The following TDRD12 variants were observed in gnomAD, a reference collection of about 807,000 sequenced individuals.
TDRD12 encodes the protein putative ATP-dependent RNA helicase TDRD12.
A neutral mutation model predicts 133.5 loss-of-function variants in TDRD12; 158 were observed. The ratio of observed to expected loss-of-function variants is 1.18; its 90% CI spans 1.04 to 1.35. The LOEUF (loss-of-function observed/expected upper bound fraction) is 1.35, where lower values mean the gene tolerates loss of function less well. Ranked by LOEUF, TDRD12 falls within the 40% of genes most tolerant of loss-of-function variation. The pLI is 0.00. For missense variants in TDRD12, 1,443 were observed against 1,321.3 expected (o/e 1.09, Z -1.43); for synonymous variants, 460 against 477.9 (o/e 0.96, Z 0.49).
chr19:32,734,701 C>T (rs1233123728), intron 2 of TDRD12, among the ~76,000 whole-genome samples: 1 of 152,060 alleles, frequency 6.6e-6, no homozygotes, highest in Non-Finnish European at 1.5e-5. Context: ...AAACAGACCT[C>T]ATTTTATTGT....
At chr19:32,756,173 G>A in exon 7 of TDRD12, 1 of 1,419,800 alleles carries the variant, frequency 7.0e-7, no homozygotes, top group Non-Finnish European at 9.2e-7. Context: ...GATGTTCAAG[G>A]AATGGAAGGT....
intron 21 of TDRD12, among the ~76,000 whole-genome samples, chr19:32,806,065 C>G (rs1418521026): frequency 6.6e-6 from 1 of 151,872 alleles, no homozygotes; most frequent in African/African-American, 2.4e-5. Flanking sequence ...CTGTTAGTGT[C>G]TTCAGAAACC....
intron 12 of TDRD12, 112 bp downstream of exon 12, chr19:32,790,703 TG>T (rs1207600561): frequency 1.3e-6 from 2 of 1,551,070 alleles, no homozygotes; most frequent in South Asian, 1.2e-5. Context: ...ACTCCTTAGA[TG>T]GGGGACTTAA....
At chr19:32,825,303 T>G (rs907526387), downstream of TDRD12, among the ~76,000 whole-genome samples, 4 of 152,198 alleles carry the variant, frequency 2.6e-5, no homozygotes, top group Non-Finnish European at 5.9e-5. This position sits in a 1 kb window ranked among gnomAD's most constrained non-coding sequence, Gnocchi z 4.1. Flanking sequence ...CTACTGTGAT[T>G]CCAGCAGCTG....
intron 14 of TDRD12, among the ~76,000 whole-genome samples, chr19:32,797,152 T>G (rs1971254119): frequency 6.6e-6 from 1 of 151,992 alleles, no homozygotes; most frequent in African/African-American, 2.4e-5. Context: ...GGCTAATTTT[T>G]GTATTTTTAG....
chr19:32,770,749 G>T (rs576942593), intron 8 of TDRD12, among the ~76,000 whole-genome samples: 1 of 152,152 alleles, frequency 6.6e-6, no homozygotes, highest in Admixed American at 6.5e-5. Context: ...AATTGTGCCC[G>T]TAGAGAAATC....
chr19:32,819,434 G>GA (rs994515908), intron 27 of TDRD12, among the ~76,000 whole-genome samples: 3 of 149,786 alleles, frequency 2.0e-5, no homozygotes, highest in Non-Finnish European at 3.0e-5. Flanking sequence ...CTACTTTCAA[G>GA]AAAAAAAAAA....
rs1967372755 is a variant in TDRD12 at position 32,821,143 on chromosome 19, G to T, written c.3494G>T (p.Gly1165Val). 2.0e-6 allele frequency: 3 copies of T among 1,533,582 alleles called. No homozygotes were observed. The highest frequency in any genetic ancestry group is 2.6e-6 in the Non-Finnish European group (3 of 1,145,238). The allele number at this position is 1,533,582 out of a possible 1,614,324, so 95.0% of individuals were successfully genotyped here. A position where few individuals can be genotyped will look rare whatever the true frequency, so the allele number is the denominator to read the frequency against. ...AGCTCAGAAAACCAGAAGCCTGGTG[G>T]GTACTTGGTATTCAAAAGATGGTTA... Residue 1165 changes from glycine to valine, a missense_variant, in exon 28 of 28, where the codon GGG becomes GTG. Coordinates refer to ENST00000444215, the Ensembl canonical transcript of TDRD12.
chr19:32,726,175 G>A (rs1038982320), intron 1 of TDRD12, among the ~76,000 whole-genome samples: 3 of 151,854 alleles, frequency 2.0e-5, no homozygotes, highest in Non-Finnish European at 4.4e-5. Flanking sequence ...CTGCCTCCTG[G>A]GTTCACGCCA....
chr19:32,802,808 C>G lies in TDRD12; in HGVS notation c.2331+19C>G, dbSNP rs1267313014. The G allele has an allele frequency of 6.5e-7, 1 of 1,536,350 alleles. No homozygotes were observed. Among genetic ancestry groups the G allele is most frequent in the Admixed American group, 2.0e-5 (1 of 50,980 alleles). On this transcript the variant is annotated intron_variant, in intron 20 of 27. Coordinates refer to ENST00000444215, the Ensembl canonical transcript of TDRD12. The stretch of plus-strand genomic sequence containing the variant: ...TGAACAGGTTTGGTGAATTTTTATT[C>G]TCTTCCATATTCCACTGGCATCTTC...
chr19:32,748,450 G>A (rs1224826867), intron 4 of TDRD12, 26 bp from the exon 5 acceptor site: 2 of 1,547,528 alleles, frequency 1.3e-6, no homozygotes, highest in Admixed American at 2.0e-5. Flanking sequence ...TTTATGTAAT[G>A]GAGTTGCATC....
chr19:32,736,852 G>A (rs937053403), intron 2 of TDRD12, among the ~76,000 whole-genome samples: 1 of 152,112 alleles, frequency 6.6e-6, no homozygotes, highest in Non-Finnish European at 1.5e-5. Flanking sequence ...ACCTCTGCAG[G>A]GTGGTTCTCC....
chr19:32,817,984 A>AAGG, intron 26 of TDRD12, 105 bp from the exon 27 acceptor site: 1 of 669,714 alleles, frequency 1.5e-6, no homozygotes. Flanking sequence ...AAAAAAAAAA[A>AAGG]GTGTTTTTAC....
intron 8 of TDRD12, among the ~76,000 whole-genome samples, chr19:32,762,022 T>A (rs1042003564): frequency 6.6e-6 from 1 of 152,108 alleles, no homozygotes; most frequent in African/African-American, 2.4e-5. Context: ...TTTGGCTATT[T>A]TAAATTGACT....
intron 8 of TDRD12, among the ~76,000 whole-genome samples, chr19:32,764,103 C>T (rs376093586): frequency 3.3e-4 from 24 of 72,302 alleles, no homozygotes; most frequent in African/African-American, 6.9e-4. Flanking sequence ...TATTGTCCAT[C>T]TTTTTTTTTT....
exon 10 of TDRD12, chr19:32,829,105 C>A (rs949152499): frequency 6.6e-6 from 1 of 152,314 alleles, no homozygotes; most frequent in East Asian, 1.9e-4. Flanking sequence ...ATATCAGTGT[C>A]TGTTTCTCTG....
At chr19:32,767,044 C>G (rs1401511372) in intron 8 of TDRD12, among the ~76,000 whole-genome samples, 1 of 152,014 alleles carries the variant, frequency 6.6e-6, no homozygotes, top group African/African-American at 2.4e-5. Flanking sequence ...TAACAGCAGT[C>G]TCCTTCCATT....
At chr19:32,811,139 C>T (rs1238066054) in intron 23 of TDRD12, 71 bp from the exon 24 acceptor site, 2 of 1,199,694 alleles carry the variant, frequency 1.7e-6, no homozygotes, top group East Asian at 5.1e-5. Context: ...TTTTCCATTT[C>T]ATGGTAATTT....
chr19:32,778,453 A>G (rs958129002), intron 11 of TDRD12, among the ~76,000 whole-genome samples: 1 of 152,104 alleles, frequency 6.6e-6, no homozygotes, highest in African/African-American at 2.4e-5. Context: ...ATTTTCAATT[A>G]TAACCTGGCA....
Sources: gnomAD v4.1 joint callset for allele counts (sites outside exome capture counted in the v4.1 genomes callset) on GRCh38, gnomAD v4.1.1 for gene constraint, Gnocchi (gnomAD v3.1) non-coding constraint, MANE v1.5 for transcripts, NCBI Gene and HGNC (gene_info 2026-07-23, HGNC 2026-07-21) for gene names.